Variants in RNF135 observed in about 807,000 individuals in gnomAD.
RNF135 encodes E3 ubiquitin-protein ligase RNF135.
In RNF135, 46 loss-of-function variants were observed where a neutral mutation model predicts 41.9. That is an observed-to-expected ratio of 1.10 (90% CI 0.87 to 1.40). The LOEUF is 1.40. Ranked by LOEUF, RNF135 falls within the 40% of genes most tolerant of loss-of-function variation. The pLI is 0.00. For missense variants in RNF135, 539 were observed against 549.8 expected (o/e 0.98, Z 0.20); for synonymous variants, 238 against 223.8 (o/e 1.06, Z -0.57).
chr17:30,979,792 G>A (rs1906886818), intron 1 of RNF135, among the ~76,000 whole-genome samples: 1 of 127,966 alleles, frequency 7.8e-6, no homozygotes. Context: ...GGACGGGGCG[G>A]CTGGCCGGGC....
At chr17:30,986,278 C>A (rs545921727) in intron 2 of RNF135, among the ~76,000 whole-genome samples, 1 of 151,522 alleles carries the variant, frequency 6.6e-6, no homozygotes, top group East Asian at 1.9e-4. Context: ...CTCATTGCAA[C>A]CTCCGCCTCC....
intron 1 of RNF135, among the ~76,000 whole-genome samples, chr17:30,982,753 G>C (rs561006917): frequency 6.6e-6 from 1 of 152,224 alleles, no homozygotes; most frequent in Admixed American, 6.5e-5. Flanking sequence ...CCATTTTTAA[G>C]TATACAGTTT....
At chr17:30,962,655 G>A in the RNF135 span, among the ~76,000 whole-genome samples, 1 of 151,510 alleles carries the variant, frequency 6.6e-6, no homozygotes, top group Non-Finnish European at 1.5e-5. Context: ...TAGTAGAGGT[G>A]GGGTTTCACC....
chr17:30,967,225 T>TC (rs1905587354), upstream of RNF135, among the ~76,000 whole-genome samples: 1 of 152,032 alleles, frequency 6.6e-6, no homozygotes, highest in African/African-American at 2.4e-5. Context: ...AGGCAGGGTT[T>TC]CACCAGGTTG....
intron 1 of RNF135, chr17:30,973,049 C>G (rs1462318427): frequency 2.0e-5 from 3 of 152,292 alleles, no homozygotes; most frequent in African/African-American, 7.2e-5. Context: ...GTTGGGATTA[C>G]AGGCGTGAGC....
At position 30,986,282 on chromosome 17, in the gene RNF135, C is replaced by T. The variant is rs557738319; in HGVS notation, c.516+1522C>T. 9.3e-4 allele frequency among the ~76,000 whole-genome samples: 141 copies of T among 151,834 alleles called. No individual in the cohort carries two copies. In the East Asian group the frequency reaches 9.7e-3, roughly 10 times the overall value. On this transcript the variant is annotated intron_variant, in intron 2 of 4. Coordinates refer to ENST00000328381, the MANE Select transcript of RNF135 (RefSeq NM_032322.4). ...CGTGATCTCAGCTCATTGCAACCTC[C>T]GCCTCCTAGGTTCAAGTGATTCTCC...
At chr17:30,979,240 A>ACCCCCC (rs1167968050) in intron 1 of RNF135, 4 of 70,334 alleles carry the variant, frequency 5.7e-5, no homozygotes, top group African/African-American at 4.1e-4. Context: ...CGGGGGGCTG[A>ACCCCCC]CCCCCCCCCC....
At chr17:30,968,266 C>T (rs1161361841), upstream of RNF135, among the ~76,000 whole-genome samples, 2 of 147,806 alleles carry the variant, frequency 1.4e-5, no homozygotes, top group Non-Finnish European at 3.0e-5. Flanking sequence ...CCACTCCAGC[C>T]TGGGCAACAA....
intron 3 of RNF135, among the ~76,000 whole-genome samples, chr17:30,989,375 G>A (rs1567746765): frequency 6.6e-6 from 1 of 151,988 alleles, no homozygotes; most frequent in Admixed American, 6.6e-5. Flanking sequence ...AAACCAGCAT[G>A]CCACTTTGTA....
chr17:30,998,788 C>T lies in RNF135; in HGVS notation c.896C>T (p.Thr299Ile), dbSNP rs1002505268. 13 of 1,613,152 alleles carry T rather than the reference C, an allele frequency of 8.1e-6. No homozygotes were observed. The highest frequency in any genetic ancestry group is 1.0e-5 in the Non-Finnish European group (12 of 1,179,682). ...PYRWSCERFS[T>I]SQVLCSQALS... is the part of the protein sequence containing the mutation. ...CGCTGGAGCTGTGAGAGGTTTTCTACCAGCCAGGTCTTATGTTCCCAGGCC... is the reference window on the plus strand; with the variant it reads ...CGCTGGAGCTGTGAGAGGTTTTCTATCAGCCAGGTCTTATGTTCCCAGGCC... The change falls in exon 5 of 5, where the codon ACC becomes ATC. Residue 299 changes from threonine (T) to isoleucine (I), a missense_variant. By Grantham distance (89) the Thr-to-Ile change is moderately conservative (BLOSUM62 -1). Coordinates refer to ENST00000328381, the MANE Select transcript of RNF135 (RefSeq NM_032322.4).
chr17:30,966,845 T>C (rs1225403354), upstream of RNF135, among the ~76,000 whole-genome samples: 1 of 151,906 alleles, frequency 6.6e-6, no homozygotes, highest in Non-Finnish European at 1.5e-5. Context: ...AAAAATCAAA[T>C]CAAGTTGTTA....
upstream of RNF135, among the ~76,000 whole-genome samples, chr17:30,969,600 T>A (rs1000698140): frequency 2.0e-5 from 3 of 152,198 alleles, no homozygotes; most frequent in African/African-American, 7.2e-5. Context: ...ATATTACCTC[T>A]GTGTGTTTCA....
chr17:30,997,516 A>C (rs537620826), intron 4 of RNF135, 185 bp downstream of exon 4: 3 of 666,622 alleles, frequency 4.5e-6, no homozygotes, highest in East Asian at 6.3e-5. Flanking sequence ...TAGACCCAAG[A>C]GCACTCAGAG....
chr17:30,969,883 G>T (rs987155161), upstream of RNF135, among the ~76,000 whole-genome samples: 2 of 150,454 alleles, frequency 1.3e-5, no homozygotes, highest in Non-Finnish European at 3.0e-5. Flanking sequence ...TCCTGCCTCA[G>T]CCTCCCAAGT....
chr17:30,978,210 GTCT>G (rs1367066767), intron 1 of RNF135, among the ~76,000 whole-genome samples: 1 of 152,034 alleles, frequency 6.6e-6, no homozygotes, highest in African/African-American at 2.4e-5. Flanking sequence ...CCTTCACATA[GTCT>G]TCTTTGGGTT....
At chr17:30,988,572 T>C (rs923241110) in intron 3 of RNF135, among the ~76,000 whole-genome samples, 1 of 151,062 alleles carries the variant, frequency 6.6e-6, no homozygotes. Flanking sequence ...GGACTACAGG[T>C]GCCCGCCACC....
At chr17:30,963,232 C>T in the RNF135 span, among the ~76,000 whole-genome samples, 1 of 151,604 alleles carries the variant, frequency 6.6e-6, no homozygotes, top group Non-Finnish European at 1.5e-5. Context: ...CCTCAGCCTC[C>T]TGAGTAGCTG....
At chr17:30,979,541 C>CG (rs1470162786) in intron 1 of RNF135, among the ~76,000 whole-genome samples, 2 of 102,430 alleles carry the variant, frequency 2.0e-5, no homozygotes, top group South Asian at 3.5e-4. Context: ...GACCCCCCCC[C>CG]CCCGCCTCCC....
chr17:30,998,848 C>T lies in RNF135; in HGVS notation c.956C>T (p.Thr319Ile). 6.2e-7 allele frequency: 1 copy of T among 1,613,080 alleles called. No individual in the cohort carries two copies. Among genetic ancestry groups the T allele is most frequent in the Non-Finnish European group, 8.5e-7 (1 of 1,179,454 alleles). ...GGAAAGCATTACTGGGAAGTGGACA[C>T]TAGGAATTGCAGCCACTGGGCAGTT... ...SSGKHYWEVD[T>I]RNCSHWAVGV... Residue 319 changes from threonine (T) to isoleucine (I), a missense_variant, in exon 5 of 5, where the codon ACT (threonine) becomes ATT (isoleucine). By Grantham distance (89) the Thr-to-Ile change is moderately conservative (BLOSUM62 -1). Coordinates refer to ENST00000328381, the MANE Select transcript of RNF135 (RefSeq NM_032322.4).
Sources: allele counts gnomAD v4.1 joint callset (sites outside exome capture counted in the v4.1 genomes callset), GRCh38; gene constraint gnomAD v4.1.1; transcripts MANE v1.5; gene names NCBI Gene and HGNC (gene_info 2026-07-23, HGNC 2026-07-21).